NPAS3: variants seen among roughly 807,000 people sequenced by gnomAD.
NPAS3 encodes neuronal PAS domain-containing protein 3.
Under a neutral mutation model 73.1 loss-of-function variants are expected in NPAS3, and 14 were observed. The observed-to-expected ratio is 0.19, with a 90% CI of 0.13 to 0.30. The LOEUF is 0.30. NPAS3 is among the 10% of genes least tolerant of loss of function. The probability of loss-of-function intolerance (pLI) is 1.00; values close to 1 mark genes in which losing one functional copy is unlikely to be tolerated. For missense variants in NPAS3, 1,096 were observed against 1,250.0 expected (o/e 0.88, Z 1.86); for synonymous variants, 620 against 541.5 (o/e 1.14, Z -2.01).
At chr14:33,776,312 A>G (rs2062812894) in intron 8 of NPAS3, among the ~76,000 whole-genome samples, 1 of 152,022 alleles carries the variant, frequency 6.6e-6, no homozygotes, top group South Asian at 2.1e-4. Flanking sequence ...TGATTTAGCT[A>G]CCAGCCACCT....
In NPAS3 at chr14:33,421,287, T is replaced by C. The variant is rs541922825; in HGVS notation, c.468+54019T>C. 3.3e-5 allele frequency among the ~76,000 whole-genome samples: 5 copies of C among 152,010 alleles called. No individual in the cohort carries two copies. In the East Asian group the frequency reaches 9.7e-4, roughly 30 times the overall value. On this transcript the variant is annotated intron_variant, in intron 4 of 11. Coordinates refer to ENST00000356141, the Ensembl canonical transcript of NPAS3. ...GTATAGGACCATCCCAATAAAGGTG[T>C]GTCTTTGAACCTCTCACTACAGCCC...
At chr14:33,239,842 A>C (rs1205148205) in intron 3 of NPAS3, among the ~76,000 whole-genome samples, 1 of 150,062 alleles carries the variant, frequency 6.7e-6, no homozygotes, top group African/African-American at 2.5e-5. Context: ...ACATACATTT[A>C]CTTCAACAAA....
chr14:33,252,986 G>A (rs2048644097), intron 3 of NPAS3, among the ~76,000 whole-genome samples: 1 of 151,964 alleles, frequency 6.6e-6, no homozygotes, highest in South Asian at 2.1e-4. Flanking sequence ...TCTTTTTTAT[G>A]GCCATGTAGT....
At chr14:33,104,398 T>C (rs1456533102) in intron 2 of NPAS3, among the ~76,000 whole-genome samples, 1 of 152,186 alleles carries the variant, frequency 6.6e-6, no homozygotes, top group East Asian at 1.9e-4. Flanking sequence ...ACATTTGTGA[T>C]TAATTCTGAG....
chr14:33,187,226 T>A (rs571451197), intron 2 of NPAS3, among the ~76,000 whole-genome samples: 10 of 152,322 alleles, frequency 6.6e-5, no homozygotes, highest in African/African-American at 2.4e-4. Context: ...TTTTCCAATG[T>A]CAATCAATCT....
rs2055616364 is a variant in NPAS3 at position 33,560,929 on chromosome 14, G to A, written c.558+719G>A. Among the ~76,000 whole-genome samples the A allele has an allele frequency of 2.6e-5, 4 of 152,164 alleles. No individual in the cohort carries two copies. The South Asian group carries it at 8.3e-4, about 31-fold the overall frequency. On this transcript the variant is annotated intron_variant, in intron 5 of 11. Coordinates refer to ENST00000356141, the Ensembl canonical transcript of NPAS3. ...CATCTGGTGAATGCCAAAATATCCT[G>A]AAGCAAGGTTTGCACTTCAGCTAAT...
intron 4 of NPAS3, among the ~76,000 whole-genome samples, chr14:33,406,812 C>CA (rs561408754): frequency 1.5e-3 from 231 of 152,178 alleles, no homozygotes; most frequent in Non-Finnish European, 2.5e-3. Flanking sequence ...AACCCAGAAC[C>CA]AAAATTTATG....
chr14:33,035,201 A>G (rs2138372808), intron 1 of NPAS3, among the ~76,000 whole-genome samples: 1 of 152,342 alleles, frequency 6.6e-6, no homozygotes, highest in Non-Finnish European at 1.5e-5. Context: ...CATAATATTC[A>G]CTAAATGGGC....
intron 6 of NPAS3, among the ~76,000 whole-genome samples, chr14:33,702,573 G>A (rs541636502): frequency 3.3e-5 from 5 of 152,280 alleles, no homozygotes; most frequent in South Asian, 2.1e-4. Context: ...TTTCATGGTC[G>A]ACATGACTTT....
intron 2 of NPAS3, among the ~76,000 whole-genome samples, chr14:33,114,954 C>G (rs2043013186): frequency 6.6e-6 from 1 of 152,106 alleles, no homozygotes; most frequent in Admixed American, 6.6e-5. Flanking sequence ...GAAAAGTTAA[C>G]TTCAGACGAT....
chr14:33,336,225 TCA>T (rs992679937), intron 3 of NPAS3, among the ~76,000 whole-genome samples: 23 of 152,338 alleles, frequency 1.5e-4, no homozygotes, highest in Non-Finnish European at 3.1e-4. Flanking sequence ...TTCTTTTTAT[TCA>T]CAGTTTCCAT....
At chr14:33,610,651 T>G (rs568017459) in intron 5 of NPAS3, among the ~76,000 whole-genome samples, 1 of 152,248 alleles carries the variant, frequency 6.6e-6, no homozygotes, top group Non-Finnish European at 1.5e-5. Flanking sequence ...AAAATAGCAA[T>G]GTAGCTTCAA....
intron 5 of NPAS3, among the ~76,000 whole-genome samples, chr14:33,598,987 A>T (rs1384758130): frequency 6.6e-6 from 1 of 152,232 alleles, no homozygotes; most frequent in Non-Finnish European, 1.5e-5. Flanking sequence ...ACTTTGGCAC[A>T]TCCACTGGCT....
intron 4 of NPAS3, among the ~76,000 whole-genome samples, chr14:33,485,874 G>A (rs999073378): frequency 4.6e-5 from 7 of 151,930 alleles, no homozygotes; most frequent in East Asian, 1.9e-4. Context: ...GCCCCAAGGA[G>A]GGTGGCCTCA....
chr14:33,677,707 G>A (rs906979411), intron 6 of NPAS3, among the ~76,000 whole-genome samples: 2 of 151,970 alleles, frequency 1.3e-5, no homozygotes, highest in Non-Finnish European at 2.9e-5. Context: ...AGTTTCTAGG[G>A]CATTCATTAT....
At chr14:33,599,753 T>C (rs1034770119) in intron 5 of NPAS3, among the ~76,000 whole-genome samples, 1 of 152,160 alleles carries the variant, frequency 6.6e-6, no homozygotes, top group Non-Finnish European at 1.5e-5. Flanking sequence ...TTGACTTAGA[T>C]TTGGGAAGCT....
chr14:33,596,521 C>T (rs1482595355), intron 5 of NPAS3, among the ~76,000 whole-genome samples: 1 of 152,158 alleles, frequency 6.6e-6, no homozygotes, highest in Non-Finnish European at 1.5e-5. Flanking sequence ...AGTAATTAAC[C>T]TCAAGGTGCT....
At chr14:33,280,435 G>A (rs1412869173) in intron 3 of NPAS3, among the ~76,000 whole-genome samples, 1 of 152,194 alleles carries the variant, frequency 6.6e-6, no homozygotes, top group Non-Finnish European at 1.5e-5. Flanking sequence ...CCAATACTGA[G>A]GAGAAAGCAG....
chr14:33,710,278 T>C (rs1180761207), intron 6 of NPAS3, among the ~76,000 whole-genome samples: 2 of 152,156 alleles, frequency 1.3e-5, no homozygotes, highest in Non-Finnish European at 2.9e-5. Flanking sequence ...ATATTTTAGA[T>C]CTAGAATAGA....
Sources: gnomAD v4.1 joint callset for allele counts (sites outside exome capture counted in the v4.1 genomes callset) on GRCh38, gnomAD v4.1.1 for gene constraint, MANE v1.5 for transcripts, NCBI Gene and HGNC (gene_info 2026-07-23, HGNC 2026-07-21) for gene names.